The following OSMR variants were observed in gnomAD, a reference collection of about 807,000 sequenced individuals.
OSMR encodes the protein oncostatin M receptor, also known as oncostatin-M-specific receptor subunit beta.
A neutral mutation model predicts 99.9 loss-of-function variants in OSMR; 81 were observed. The ratio of observed to expected loss-of-function variants is 0.81; its 90% CI spans 0.68 to 0.97. The LOEUF (loss-of-function observed/expected upper bound fraction) is 0.97. OSMR is among the 50% of genes least tolerant of loss of function. The pLI, the probability that OSMR is intolerant of heterozygous loss-of-function variation, is 0.00. For missense variants in OSMR, 1,099 were observed against 1,153.4 expected (o/e 0.95, Z 0.68); for synonymous variants, 406 against 410.4 (o/e 0.99, Z 0.13).
intron 2 of OSMR, 69 bp downstream of exon 2, chr5:38,869,186 G>GA (rs1430372978): frequency 1.7e-6 from 2 of 1,155,110 alleles, no homozygotes; most frequent in Non-Finnish European, 2.6e-6. Context: ...GATGCTTTGG[G>GA]AAAAAGTTAA....
chr5:38,931,262 G>A (rs1482154435), intron 15 of OSMR, among the ~76,000 whole-genome samples: 3 of 152,134 alleles, frequency 2.0e-5, no homozygotes, highest in African/African-American at 7.2e-5. Flanking sequence ...TGGCATACAA[G>A]AACAAATCTA....
In OSMR at chr5:38,933,551, G is replaced by A. The variant is rs1282843059; in HGVS notation, c.*107G>A. On this transcript the variant is annotated 3_prime_UTR_variant, in exon 18 of 18. Coordinates refer to ENST00000274276, the MANE Select transcript of OSMR (RefSeq NM_003999.3). ...GTCCTTAATCCCAGTACGATTTGCA[G>A]GTCTGGTTTATATAAGACCACTACA... 1 of 1,284,408 alleles carries A rather than the reference G, an allele frequency of 7.8e-7. No individual in the cohort carries two copies. The highest frequency in any genetic ancestry group is 1.1e-6 in the Non-Finnish European group (1 of 897,376). 79.6% of individuals were successfully genotyped at this position (1,284,408 alleles called of 1,614,324 possible). A position where few individuals can be genotyped will look rare whatever the true frequency, so the allele number is the denominator to read the frequency against.
At chr5:38,892,167 C>T (rs1163808608) in intron 7 of OSMR, among the ~76,000 whole-genome samples, 2 of 151,756 alleles carry the variant, frequency 1.3e-5, no homozygotes, top group Non-Finnish European at 2.9e-5. Context: ...AGCTGTGTGT[C>T]TTCATTGCTT....
chr5:38,904,162 T>C, intron 8 of OSMR, 138 bp downstream of exon 8: 1 of 1,529,056 alleles, frequency 6.5e-7, no homozygotes, highest in Non-Finnish European at 8.8e-7. Flanking sequence ...AAAAGGTCCA[T>C]GAAATTAATC....
At chr5:38,895,024 A>G (rs990371403) in intron 7 of OSMR, among the ~76,000 whole-genome samples, 1 of 152,118 alleles carries the variant, frequency 6.6e-6, no homozygotes, top group African/African-American at 2.4e-5. Context: ...AAATGAAGGA[A>G]GAAATTAAAA....
intron 11 of OSMR, among the ~76,000 whole-genome samples, chr5:38,919,737 C>A (rs1561403890): frequency 6.6e-6 from 1 of 152,168 alleles, no homozygotes; most frequent in Non-Finnish European, 1.5e-5. Flanking sequence ...ATTCATGAAC[C>A]TTGCAATAAT....
Position 38,876,271 on chromosome 5 carries a change from G to A in OSMR, c.144G>A (p.Leu48=). The change falls in exon 3 of 18, where the codon TTG becomes TTA. Residue 48 remains leucine, a synonymous_variant. Transcript: ENST00000274276. The part of the protein sequence containing the change: ...KVSTNSTRQS[L]HLQWTVHNLP... ...CCACCAATTCTACGCGTCAGAGTTT[G>A]CACTTACAATGGACTGTCCACAACC... 6.2e-7 allele frequency: 1 copy of A among 1,613,604 alleles called. No individual in the cohort carries two copies. Among genetic ancestry groups the A allele is most frequent in the Non-Finnish European group, 8.5e-7 (1 of 1,179,660 alleles).
intron 1 of OSMR, among the ~76,000 whole-genome samples, chr5:38,867,564 A>G (rs1742042527): frequency 6.6e-6 from 1 of 152,218 alleles, no homozygotes; most frequent in Non-Finnish European, 1.5e-5. Flanking sequence ...ATTTGTTCTT[A>G]AATTAAGAAC....
chr5:38,876,121 A>T (rs993304080), intron 2 of OSMR, 80 bp from the exon 3 acceptor site: 10 of 1,571,194 alleles, frequency 6.4e-6, no homozygotes, highest in African/African-American at 1.4e-5. Context: ...AATAATGATG[A>T]TATTCAAGTT....
chr5:38,942,452 ATTTTT>A, intron 1 of OSMR: 1 of 564,332 alleles, frequency 1.8e-6, no homozygotes, highest in South Asian at 4.2e-5. Context: ...TAAATATCTA[ATTTTT>A]TTTTTTTTTT....
At chr5:38,945,389 T>C (rs1748074982), downstream of OSMR, 1 of 756,464 alleles carries the variant, frequency 1.3e-6, no homozygotes, top group Admixed American at 2.6e-5. Flanking sequence ...GCTCACCAGC[T>C]GGGAAACTCT....
intron 9 of OSMR, among the ~76,000 whole-genome samples, chr5:38,916,991 G>A (rs1278311970): frequency 1.3e-5 from 2 of 152,028 alleles, no homozygotes; most frequent in Non-Finnish European, 2.9e-5. Context: ...GGTGCCTTAA[G>A]TGTCCACAGC....
In OSMR at chr5:38,883,992, T is replaced by C. The variant is rs141361409; in HGVS notation, c.584T>C (p.Val195Ala). 9.3e-6 allele frequency: 15 copies of C among 1,613,100 alleles called. No homozygotes were observed. The change falls in exon 5 of 18, where the codon GTA becomes GCA. Residue 195 changes from valine (V) to alanine (A), a missense_variant. By Grantham distance (64) the Val-to-Ala change is moderately conservative. Transcript: ENST00000274276. ...CATGGAGAACAACTTGATCCACATG[T>C]AACTGCATTCAACTTGAATAGTGTG... ...QIHGEQLDPH[V>A]TAFNLNSVPF... is the part of the protein sequence containing the mutation.
chr5:38,856,961 G>A (rs1740904586), intron 1 of OSMR, among the ~76,000 whole-genome samples: 1 of 152,188 alleles, frequency 6.6e-6, no homozygotes, highest in African/African-American at 2.4e-5. Flanking sequence ...CTATCTTGAT[G>A]ATTCTCAAAG....
chr5:38,914,006 C>T (rs1355156397), intron 9 of OSMR, among the ~76,000 whole-genome samples: 1 of 152,180 alleles, frequency 6.6e-6, no homozygotes, highest in Non-Finnish European at 1.5e-5. Context: ...TTCCACAGTG[C>T]TTCAGATCTC....
rs574702943 is a variant in OSMR at position 38,862,564 on chromosome 5, G to A, written c.-13-6468G>A. 2.8e-3 allele frequency among the ~76,000 whole-genome samples: 421 copies of A among 150,634 alleles called. 1 individual carries two copies. The highest frequency in any genetic ancestry group is 8.4e-3 in the African/African-American group (345 of 40,942). ...CAGAGGGTCTCCTCACTTCTCAGAC[G>A]GGGCGGCCGGGCAGAGATGCTCCTC... On this transcript the variant is annotated intron_variant, in intron 1 of 17. Coordinates refer to ENST00000274276, the MANE Select transcript of OSMR (RefSeq NM_003999.3).
At chr5:38,940,503 G>C, downstream of OSMR, 1 of 232,784 alleles carries the variant, frequency 4.3e-6, no homozygotes, top group Admixed American at 5.6e-5. Flanking sequence ...AACGTTCTTA[G>C]AAGTACTGTT....
At chr5:38,925,872 A>G (rs1363969477) in intron 15 of OSMR, among the ~76,000 whole-genome samples, 1 of 152,186 alleles carries the variant, frequency 6.6e-6, no homozygotes. Flanking sequence ...AGATGGGTGC[A>G]GTGGGGTGGG....
rs1361225493 is a variant in OSMR, at chr5:38,904,398, C to T, written c.1180C>T (p.Leu394=). 1 of 1,614,086 alleles carries T rather than the reference C, an allele frequency of 6.2e-7. No homozygotes were observed. The highest frequency in any genetic ancestry group is 1.3e-5 in the African/African-American group (1 of 75,014). ...GAACGGTGAGTACTTCTTAAGTGAA[C>T]TGGAACCTGCCACAGAGTACATGGC... ...KVNGEYFLSE[L]EPATEYMARV... Residue 394 remains leucine (L), a synonymous_variant, in exon 9 of 18, where the codon CTG becomes TTG. Transcript: ENST00000274276.
Sources: allele counts gnomAD v4.1 joint callset (sites outside exome capture counted in the v4.1 genomes callset), GRCh38; gene constraint gnomAD v4.1.1; transcripts MANE v1.5; gene names NCBI Gene and HGNC (gene_info 2026-07-23, HGNC 2026-07-21).